BRME1: variants seen among roughly 807,000 people sequenced by gnomAD.
The protein encoded by BRME1 is BRCA2 and MEILB2-associating protein 1.
A neutral mutation model predicts 52.6 loss-of-function variants in BRME1; 31 were observed. The observed-to-expected ratio is 0.59, with a 90% CI of 0.44 to 0.80. The LOEUF is 0.80. BRME1 is among the 30% of genes least tolerant of loss of function. The pLI is 0.00. For missense variants in BRME1, 804 were observed against 860.3 expected (o/e 0.93, Z 0.82); for synonymous variants, 359 against 353.6 (o/e 1.02, Z -0.17).
At chr19:13,893,590 G>A (rs963673341) in intron 3 of BRME1, among the ~76,000 whole-genome samples, 6 of 152,030 alleles carry the variant, frequency 3.9e-5, no homozygotes, top group Admixed American at 1.3e-4. Flanking sequence ...CTCACCTATC[G>A]AGACAAACGC....
intron 2 of BRME1, among the ~76,000 whole-genome samples, chr19:13,896,843 C>A (rs1227521433): frequency 3.3e-5 from 5 of 151,708 alleles, no homozygotes; most frequent in African/African-American, 1.2e-4. Flanking sequence ...AGGTGTGTGC[C>A]ACCATGCCTG....
At chr19:13,893,112 T>C (rs1284318694) in intron 4 of BRME1, 30 bp downstream of exon 4, 1 of 1,572,786 alleles carries the variant, frequency 6.4e-7, no homozygotes, top group Non-Finnish European at 8.7e-7. Context: ...GTGGTGCTTC[T>C]ATATCCACGA....
chr19:13,887,243 C>T (rs992952908), intron 6 of BRME1, among the ~76,000 whole-genome samples: 3 of 152,234 alleles, frequency 2.0e-5, no homozygotes, highest in South Asian at 2.1e-4. Flanking sequence ...ACACGGGCCT[C>T]GGCCTTCCTG....
chr19:13,883,052 A>G lies in BRME1; in HGVS notation c.1857-100T>C. 7.0e-7 allele frequency: 1 copy of G among 1,436,540 alleles called. No individual in the cohort carries two copies. The highest frequency in any genetic ancestry group is 9.5e-7 in the Non-Finnish European group (1 of 1,054,634). The allele number at this position is 1,436,540 out of a possible 1,614,324, so 89.0% of individuals were successfully genotyped here. On this transcript the variant is annotated intron_variant, in intron 8 of 8. Coordinates refer to ENST00000586783, the MANE Select transcript of BRME1 (RefSeq NM_001345843.2). The surrounding 1 kb of genome is among the most constrained non-coding windows in gnomAD (Gnocchi z 4.2). ...ACATGGTCACCAATGACTCAGGTGC[A>G]CACACACGGCTCACACACGTGCACA...
intron 5 of BRME1, among the ~76,000 whole-genome samples, chr19:13,891,396 A>G (rs1441842300): frequency 1.3e-5 from 2 of 151,802 alleles, no homozygotes; most frequent in African/African-American, 2.4e-5. Flanking sequence ...TGATCTGCCC[A>G]TCTCGGCCTC....
intron 2 of BRME1, among the ~76,000 whole-genome samples, chr19:13,897,750 T>C (rs1357190994): frequency 6.6e-6 from 1 of 151,960 alleles, no homozygotes; most frequent in African/African-American, 2.4e-5. Context: ...CAGTCCCACA[T>C]ACTTGGGAGG....
At chr19:13,894,968 C>T (rs899579742) in intron 3 of BRME1, among the ~76,000 whole-genome samples, 1 of 152,082 alleles carries the variant, frequency 6.6e-6, no homozygotes, top group Non-Finnish European at 1.5e-5. Flanking sequence ...GCAACCTCTG[C>T]CTCCTGGGTT....
At position 13,886,156 on chromosome 19, in the gene BRME1, C is replaced by G. The variant is rs1032437276; in HGVS notation, c.1669-101G>C. 1.7e-5 allele frequency: 16 copies of G among 951,638 alleles called. No homozygotes were observed. In the East Asian group the frequency reaches 2.4e-4, roughly 14 times the overall value. The allele number at this position is 951,638 out of a possible 1,614,324, so 58.9% of individuals were successfully genotyped here. A position where few individuals can be genotyped will look rare whatever the true frequency, so the allele number is the denominator to read the frequency against. Reference sequence around the variant, plus strand: ...GCTGATGCTTTTGGCTTCACCGCGGCCACAGCAGGTCACATCGGGGCTGGC... The same window carrying G: ...GCTGATGCTTTTGGCTTCACCGCGGGCACAGCAGGTCACATCGGGGCTGGC... On this transcript the variant is annotated intron_variant, in intron 6 of 8. Transcript: ENST00000586783.
intron 3 of BRME1, 117 bp downstream of exon 3, chr19:13,895,255 G>T: frequency 9.6e-7 from 1 of 1,043,458 alleles, no homozygotes; most frequent in Non-Finnish European, 1.4e-6. Flanking sequence ...GGGAGGGAGT[G>T]GGTCACAGCA....
intron 1 of BRME1, among the ~76,000 whole-genome samples, chr19:13,905,376 C>T (rs1047714555): frequency 1.3e-5 from 2 of 152,164 alleles, no homozygotes; most frequent in East Asian, 1.9e-4. Flanking sequence ...GGCATCGTGA[C>T]GCACACCTGT....
In BRME1 at chr19:13,882,396, T is replaced by A; in HGVS notation, c.*406A>T. On this transcript the variant is annotated 3_prime_UTR_variant, in exon 9 of 9. Transcript: ENST00000586783. Reference sequence around the variant, plus strand: ...TTATTATGGGTCTTCCCAGAAGAAATAAAATGGAAATGGGGAGAAAGAAAA... The same window carrying A: ...TTATTATGGGTCTTCCCAGAAGAAAAAAAATGGAAATGGGGAGAAAGAAAA... The A allele has an allele frequency of 2.4e-6, 1 of 408,268 alleles. No individual in the cohort carries two copies. Among genetic ancestry groups the A allele is most frequent in the Non-Finnish European group, 4.3e-6 (1 of 232,066 alleles). The allele number at this position is 408,268 out of a possible 1,614,324, so 25.3% of individuals were successfully genotyped here. A position where few individuals can be genotyped will look rare whatever the true frequency, so the allele number is the denominator to read the frequency against.
At chr19:13,905,335 C>G (rs1970615710) in intron 1 of BRME1, among the ~76,000 whole-genome samples, 3 of 151,816 alleles carry the variant, frequency 2.0e-5, no homozygotes. Context: ...GGTGAAACCC[C>G]CTCTCTATTA....
chr19:13,890,686 G>A (rs921605876), intron 5 of BRME1, among the ~76,000 whole-genome samples: 1 of 152,152 alleles, frequency 6.6e-6, no homozygotes, highest in Non-Finnish European at 1.5e-5. Context: ...CCAAAATGGT[G>A]AAACCCCATC....
chr19:13,900,501 T>A (rs1970222817), intron 2 of BRME1, among the ~76,000 whole-genome samples: 1 of 152,158 alleles, frequency 6.6e-6, no homozygotes, highest in Admixed American at 6.6e-5. Context: ...ACATGTTCAA[T>A]CTGCTGATCA....
chr19:13,895,351 G>A (rs370443077), intron 3 of BRME1, 21 bp downstream of exon 3: 111 of 1,606,134 alleles, frequency 6.9e-5, no homozygotes, highest in Non-Finnish European at 8.2e-5. Context: ...GAGACCTGCC[G>A]GAATGTTCAG....
In BRME1 at chr19:13,902,303, C is replaced by G. The variant is rs529292199; in HGVS notation, c.31+2559G>C. Among the ~76,000 whole-genome samples, 6 of 152,192 alleles carry G rather than the reference C, an allele frequency of 3.9e-5. No individual in the cohort carries two copies. The South Asian group carries it at 1.2e-3, about 32-fold the overall frequency. On this transcript the variant is annotated intron_variant, in intron 2 of 8. Coordinates refer to ENST00000586783, the MANE Select transcript of BRME1 (RefSeq NM_001345843.2). The stretch of plus-strand genomic sequence containing the variant: ...GCAGTGAGTCAAGATCGTGCCACTG[C>G]ACTCCAGTCTGGGCAACAGAGTGAG...
chr19:13,897,002 T>TC (rs1171578552), intron 2 of BRME1, among the ~76,000 whole-genome samples: 5 of 149,686 alleles, frequency 3.3e-5, no homozygotes, highest in Non-Finnish European at 5.9e-5. Flanking sequence ...CTCGCCAGAA[T>TC]CTATCTTTTG....
At chr19:13,903,069 C>T (rs559695876) in intron 2 of BRME1, among the ~76,000 whole-genome samples, 17 of 152,080 alleles carry the variant, frequency 1.1e-4, no homozygotes, top group Non-Finnish European at 2.4e-4. Flanking sequence ...AGCTAGAACT[C>T]TCTGAATTAT....
chr19:13,885,962 T>C lies in BRME1; in HGVS notation c.1762A>G (p.Arg588Gly). ...DPVAVAKAQPRTFVGIQASEA... is the reference protein window; with the variant it reads ...DPVAVAKAQPGTFVGIQASEA... ...ACTTCTCACCCACGCCACACCTACCTCGGCTGGGCCTTGGCCACTGCAACA... is the reference window on the plus strand; with the variant it reads ...ACTTCTCACCCACGCCACACCTACCCCGGCTGGGCCTTGGCCACTGCAACA... The change falls in exon 7 of 9, where the codon AGG (arginine) becomes GGG (glycine). Residue 588 changes from arginine to glycine, a missense_variant and splice_region_variant. Around this residue, in one of 3 missense-constraint regions of BRME1, gnomAD observed 552 missense variants for 561.1 expected, o/e 0.98. Coordinates refer to ENST00000586783, the MANE Select transcript of BRME1 (RefSeq NM_001345843.2). The C allele has an allele frequency of 6.2e-7, 1 of 1,613,454 alleles. No individual in the cohort carries two copies. The highest frequency in any genetic ancestry group is 8.5e-7 in the Non-Finnish European group (1 of 1,179,708).
Sources: gnomAD v4.1 joint callset for allele counts (sites outside exome capture counted in the v4.1 genomes callset) on GRCh38, gnomAD v4.1.1 for gene constraint, gnomAD v4.1.1 regional missense constraint, Gnocchi (gnomAD v3.1) non-coding constraint, MANE v1.5 for transcripts, NCBI Gene and HGNC (gene_info 2026-07-23, HGNC 2026-07-21) for gene names.